The following ALDH1A1 variants were observed in gnomAD, a reference collection of about 807,000 sequenced individuals.
ALDH1A1 encodes aldehyde dehydrogenase 1 family member A1, also known as aldehyde dehydrogenase 1A1.
ALDH1A1 carries 19 observed loss-of-function variants against 62.1 expected under a neutral mutation model. The observed-to-expected ratio is 0.31, with a 90% CI of 0.21 to 0.45. The LOEUF is 0.45. Ranked by LOEUF, ALDH1A1 falls within the 20% of genes least tolerant of loss-of-function variation. ALDH1A1 has a pLI of 1.00. For missense variants in ALDH1A1, 521 were observed against 607.1 expected (o/e 0.86, Z 1.49); for synonymous variants, 231 against 215.9 (o/e 1.07, Z -0.61).
intron 6 of ALDH1A1, 40 bp from the exon 7 acceptor site, chr9:72,924,172 T>A: frequency 6.9e-7 from 1 of 1,441,480 alleles, no homozygotes; most frequent in Non-Finnish European, 9.6e-7. Context: ...TATAAGAATT[T>A]AATTCAAAAA....
rs142547395 is a variant in ALDH1A1 at position 72,925,548 on chromosome 9, A to G, written c.569T>C (p.Val190Ala). 8.7e-6 allele frequency: 14 copies of G among 1,613,946 alleles called. No individual in the cohort carries two copies. Among genetic ancestry groups the G allele is most frequent in the Non-Finnish European group, 1.1e-5 (13 of 1,179,928 alleles). Residue 190 changes from valine (V) to alanine (A), a missense_variant, in exon 6 of 13, where the codon GTG (valine) becomes GCG (alanine). Physicochemically the swap from Val to Ala is moderately conservative, Grantham distance 64 (BLOSUM62 0). Transcript: ENST00000297785. Reference protein sequence around the residue: ...IGPALSCGNTVVVKPAEQTPL... With the variant: ...IGPALSCGNTAVVKPAEQTPL... ...AGTTTGCTCTGCTGGTTTGACAACC[A>G]CTGTGTTTCCACAGCTCAGTGCAGG...
chr9:72,911,950 C>A lies in ALDH1A1; in HGVS notation c.1200+8G>T, dbSNP rs8187974. ...ACAAAAAGAACAGAACAGAATGAAG[C>A]CATTTACCTCCTCTTTGGCAATGCG... is the stretch of plus-strand genomic sequence containing the variant. On this transcript the variant is annotated splice_region_variant and intron_variant, in intron 10 of 12. Transcript: ENST00000297785. 0.011 allele frequency: 16,987 copies of A among 1,613,682 alleles called. 121 individuals carry two copies. The highest frequency in any genetic ancestry group is 0.013 in the Non-Finnish European group (15,039 of 1,179,728).
Position 72,930,872 on chromosome 9 carries a change from T to TA in ALDH1A1, c.312+6dup. On this transcript the variant is annotated splice_region_variant and intron_variant, in intron 3 of 12. Transcript: ENST00000297785. The stretch of plus-strand genomic sequence containing the variant: ...CTAGCTACCCATCCAGCTTGGATAA[T>TA]ACTCACCGCCAGCAGCAGACGATCT... The TA allele has an allele frequency of 6.2e-7, 1 of 1,613,944 alleles. No homozygotes were observed. The highest frequency in any genetic ancestry group is 1.1e-5 in the South Asian group (1 of 91,064).
chr9:72,949,894 T>C (rs946787497), intron 1 of ALDH1A1, among the ~76,000 whole-genome samples: 3 of 150,878 alleles, frequency 2.0e-5, no homozygotes, highest in African/African-American at 7.3e-5. Context: ...GAAGAGAGAA[T>C]GGCAAACAAA....
chr9:72,927,487 A>C (rs909754988), intron 4 of ALDH1A1, among the ~76,000 whole-genome samples: 8 of 152,224 alleles, frequency 5.3e-5, no homozygotes, highest in Admixed American at 5.2e-4. Flanking sequence ...AAATTGGCAA[A>C]AATCTGAAAG....
At chr9:72,951,611 A>G (rs1830545128) in intron 1 of ALDH1A1, among the ~76,000 whole-genome samples, 1 of 151,956 alleles carries the variant, frequency 6.6e-6, no homozygotes, top group South Asian at 2.1e-4. Context: ...CTTTCAATTG[A>G]AATTTCTTGT....
chr9:72,941,697 G>A (rs533838683), intron 1 of ALDH1A1, among the ~76,000 whole-genome samples: 36 of 152,208 alleles, frequency 2.4e-4, no homozygotes, highest in African/African-American at 8.2e-4. Context: ...GATCTATAAC[G>A]TTCTGCAAAT....
intron 11 of ALDH1A1, 99 bp downstream of exon 11, chr9:72,909,503 G>T: frequency 8.3e-7 from 1 of 1,198,782 alleles, no homozygotes; most frequent in Non-Finnish European, 1.1e-6. Flanking sequence ...AGAAGGATAG[G>T]TAATTCCAAA....
At chr9:72,952,811 G>T in intron 1 of ALDH1A1, 124 bp downstream of exon 1, 1 of 1,029,620 alleles carries the variant, frequency 9.7e-7, no homozygotes, top group Non-Finnish European at 1.4e-6. Context: ...CATTTTGCAT[G>T]CCTTTTATTT....
chr9:72,936,959 T>A (rs184410390), intron 2 of ALDH1A1, among the ~76,000 whole-genome samples: 16 of 152,122 alleles, frequency 1.1e-4, no homozygotes, highest in Non-Finnish European at 1.6e-4. Context: ...AAAATGAAAA[T>A]TTTCAGGTCC....
In ALDH1A1 at chr9:72,940,199, G is replaced by A. The variant is rs1563916482; in HGVS notation, c.120C>T (p.Val40=). 3 of 1,613,802 alleles carry A rather than the reference G, an allele frequency of 1.9e-6. No homozygotes were observed. Among genetic ancestry groups the A allele is most frequent in the Non-Finnish European group, 8.5e-7 (1 of 1,179,836 alleles). ...GCTCCTCCTCAGTTGCAGGATTAAA[G>A]ACAGGAAATTTCTTGCCACTCACTG... The part of the protein sequence containing the change: ...HDSVSGKKFP[V]FNPATEEELC... Residue 40 remains valine (V), a synonymous_variant, in exon 2 of 13, where the codon GTC becomes GTT. Coordinates refer to ENST00000297785, the MANE Select transcript of ALDH1A1 (RefSeq NM_000689.5).
intron 1 of ALDH1A1, among the ~76,000 whole-genome samples, chr9:72,947,320 A>G (rs1032036759): frequency 1.3e-5 from 2 of 151,990 alleles, no homozygotes; most frequent in African/African-American, 4.8e-5. Context: ...AGAAACTGGA[A>G]GCTCTATTGT....
chr9:72,946,631 C>G (rs1202469932), intron 1 of ALDH1A1, among the ~76,000 whole-genome samples: 1 of 151,916 alleles, frequency 6.6e-6, no homozygotes, highest in Non-Finnish European at 1.5e-5. Context: ...TGAAGCAATC[C>G]TTGCTCAAAT....
At chr9:72,925,361 T>G in intron 6 of ALDH1A1, 123 bp downstream of exon 6, 1 of 298,030 alleles carries the variant, frequency 3.4e-6, no homozygotes. Context: ...GCTAAATGTA[T>G]TCCCCCCACT....
At chr9:72,914,436 G>A (rs1413075245) in intron 9 of ALDH1A1, among the ~76,000 whole-genome samples, 1 of 152,086 alleles carries the variant, frequency 6.6e-6, no homozygotes, top group East Asian at 1.9e-4. Context: ...CAAGATTGAG[G>A]TTTCTATGCA....
intron 12 of ALDH1A1, among the ~76,000 whole-genome samples, chr9:72,905,483 T>A (rs1366419313): frequency 6.6e-6 from 1 of 152,156 alleles, no homozygotes; most frequent in Non-Finnish European, 1.5e-5. Context: ...TCTACATCAA[T>A]AATATCTCAA....
chr9:72,927,964 C>T (rs1230270750), intron 4 of ALDH1A1, among the ~76,000 whole-genome samples: 1 of 151,110 alleles, frequency 6.6e-6, no homozygotes. Context: ...ACAGAAGCTT[C>T]CTGGTTTCAG....
At chr9:72,927,885 G>A (rs1830230531) in intron 4 of ALDH1A1, among the ~76,000 whole-genome samples, 1 of 151,636 alleles carries the variant, frequency 6.6e-6, no homozygotes, top group South Asian at 2.1e-4. Context: ...CAATTTATGT[G>A]CCCCGAAGTT....
At chr9:72,941,566 G>A (rs971196537) in intron 1 of ALDH1A1, among the ~76,000 whole-genome samples, 1 of 152,006 alleles carries the variant, frequency 6.6e-6, no homozygotes, top group Non-Finnish European at 1.5e-5. Context: ...GCTGTGTATG[G>A]TTTTCCAGTC....
Sources: gnomAD v4.1 joint callset for allele counts (sites outside exome capture counted in the v4.1 genomes callset) on GRCh38, gnomAD v4.1.1 for gene constraint, MANE v1.5 for transcripts, NCBI Gene and HGNC (gene_info 2026-07-23, HGNC 2026-07-21) for gene names.